PSORS1C1: variants seen among roughly 807,000 people sequenced by gnomAD.
The protein encoded by PSORS1C1 is psoriasis susceptibility 1 candidate gene 1 protein.
A neutral mutation model predicts 9.4 loss-of-function variants in PSORS1C1; 7 were observed. The ratio of observed to expected loss-of-function variants is 0.75; its 90% CI spans 0.42 to 1.40. The LOEUF is 1.40. Among genes scored for constraint, PSORS1C1 ranks in the 40% most tolerant of loss-of-function variants. The probability of loss-of-function intolerance (pLI) is 0.01; values close to 1 mark genes in which losing one functional copy is unlikely to be tolerated. For missense variants in PSORS1C1, 146 were observed against 178.1 expected (o/e 0.82, Z 1.02); for synonymous variants, 63 against 69.4 (o/e 0.91, Z 0.46).
chr6:31,139,580 T>C lies in PSORS1C1; in HGVS notation c.168-61T>C. 6.4e-7 allele frequency: 1 copy of C among 1,560,290 alleles called. No homozygotes were observed. On this transcript the variant is annotated intron_variant, in intron 5 of 5. Coordinates refer to ENST00000259881, the MANE Select transcript of PSORS1C1 (RefSeq NM_014068.3). This position sits in a 1 kb window ranked among gnomAD's most constrained non-coding sequence, Gnocchi z 5.2. Reference sequence around the variant, plus strand: ...CTCCCCCTGGGGCTTCGTGCTTTCCTGGGCACTTCCCTTCCCCCATGGGAT... The same window carrying C: ...CTCCCCCTGGGGCTTCGTGCTTTCCCGGGCACTTCCCTTCCCCCATGGGAT...
intron 3 of PSORS1C1, among the ~76,000 whole-genome samples, chr6:31,135,405 A>G (rs1209130152): frequency 1.3e-5 from 2 of 152,008 alleles, no homozygotes; most frequent in Non-Finnish European, 2.9e-5. Context: ...TTTTTAGTAG[A>G]GACAGAGTTT....
At position 31,139,813 on chromosome 6, in the gene PSORS1C1, C is replaced by A; in HGVS notation, c.340C>A (p.Pro114Thr). ...GGAAGAAGCTGCCAGGCTCCAGCAA[C>A]CTCAGCCCCTTCCTCCTCCCTCAGG... is the stretch of plus-strand genomic sequence containing the variant. ...APEEAARLQQ[P>T]QPLPPPSGIH... is the part of the protein sequence containing the mutation. The change falls in exon 6 of 6, where the codon CCT (proline) becomes ACT (threonine). Residue 114 changes from proline (P) to threonine (T), a missense_variant. By Grantham distance (38) the Pro-to-Thr change is conservative. Coordinates refer to ENST00000259881, the MANE Select transcript of PSORS1C1 (RefSeq NM_014068.3). The surrounding 1 kb of genome is among the most constrained non-coding windows in gnomAD (Gnocchi z 5.2). The A allele has an allele frequency of 6.2e-7, 1 of 1,613,118 alleles. No individual in the cohort carries two copies. The highest frequency in any genetic ancestry group is 8.5e-7 in the Non-Finnish European group (1 of 1,180,016).
At chr6:31,138,519 C>G in intron 4 of PSORS1C1, 60 bp downstream of exon 4, 1 of 1,606,406 alleles carries the variant, frequency 6.2e-7, no homozygotes, top group Non-Finnish European at 8.5e-7. Flanking sequence ...CCCGATGGAT[C>G]TGAACCGTTC....
intron 3 of PSORS1C1, among the ~76,000 whole-genome samples, chr6:31,133,973 G>GT (rs1005120258): frequency 1.8e-4 from 27 of 151,386 alleles, no homozygotes; most frequent in African/African-American, 4.1e-4. Context: ...ACCACATGTA[G>GT]TTTTTTTTTG....
In PSORS1C1 at chr6:31,115,201, G is replaced by A. The variant is rs1772040672; in HGVS notation, c.-229+310G>A. 6.5e-6 allele frequency: 2 copies of A among 307,878 alleles called. No homozygotes were observed. The highest frequency in any genetic ancestry group is 5.7e-5 in the South Asian group (2 of 34,884). The allele number at this position is 307,878 out of a possible 1,614,324, so 19.1% of individuals were successfully genotyped here. ...AATGAGGAACACAGAGACCTCTAGA[G>A]GCGTAGGAAGAGCACCACCCAGACT... On this transcript the variant is annotated intron_variant, in intron 1 of 5. Coordinates refer to ENST00000259881, the MANE Select transcript of PSORS1C1 (RefSeq NM_014068.3). This position sits in a 1 kb window ranked among gnomAD's most constrained non-coding sequence, Gnocchi z 4.2.
chr6:31,119,276 T>G (rs1371865573), intron 1 of PSORS1C1, among the ~76,000 whole-genome samples: 1 of 152,186 alleles, frequency 6.6e-6, no homozygotes, highest in Non-Finnish European at 1.5e-5. Context: ...ATTCTCTGCA[T>G]GCACCTCCAC....
intron 3 of PSORS1C1, among the ~76,000 whole-genome samples, chr6:31,136,284 G>A (rs1265101): frequency 0.1 from 15,264 of 151,386 alleles, 1,395 homozygotes; most frequent in African/African-American, 0.23. Flanking sequence ...CTACTCGGGA[G>A]GTTGAGGCAG....
rs913809358 is a variant in PSORS1C1, at chr6:31,134,228, G to A, written c.14-4202G>A. ...ACTCCTGACCTCAGGTAATCCACCC[G>A]CCTCAGCCTCCCAAAGTGCTAGGAT... On this transcript the variant is annotated intron_variant, in intron 3 of 5. Coordinates refer to ENST00000259881, the MANE Select transcript of PSORS1C1 (RefSeq NM_014068.3). 2.0e-5 allele frequency among the ~76,000 whole-genome samples: 3 copies of A among 151,994 alleles called. 1 individual carries two copies.
chr6:31,115,298 G>T lies in PSORS1C1; in HGVS notation c.-229+407G>T, dbSNP rs113009202. 2.8e-3 allele frequency: 555 copies of T among 201,732 alleles called. 8 individuals are homozygous for T. The highest frequency in any genetic ancestry group is 0.012 in the African/African-American group (523 of 42,676). 12.5% of individuals were successfully genotyped at this position (201,732 alleles called of 1,614,324 possible). A position where few individuals can be genotyped will look rare whatever the true frequency, so the allele number is the denominator to read the frequency against. ...GTCCCCACAGTTTACTGAGCCATCT[G>T]TCCAGGATCCAGGGACAGCAGGGAG... On this transcript the variant is annotated intron_variant, in intron 1 of 5. Coordinates refer to ENST00000259881, the MANE Select transcript of PSORS1C1 (RefSeq NM_014068.3). This position sits in a 1 kb window ranked among gnomAD's most constrained non-coding sequence, Gnocchi z 4.2.
rs546633256 is a variant in PSORS1C1, at chr6:31,123,071, C to T, written c.-228-2605C>T. The stretch of plus-strand genomic sequence containing the variant: ...GTCTTGTTTTCTTTGTCACATTCCT[C>T]CTGGCTGCCGTCAGAACTTGGCCAA... On this transcript the variant is annotated intron_variant, in intron 1 of 5. Transcript: ENST00000259881. Among the ~76,000 whole-genome samples the T allele has an allele frequency of 3.2e-4, 48 of 152,352 alleles. No homozygotes were observed. The South Asian group carries it at 7.7e-3, about 24-fold the overall frequency.
At chr6:31,138,403 A>C (rs768933037) in intron 3 of PSORS1C1, 27 bp from the exon 4 acceptor site, 34 of 1,549,522 alleles carry the variant, frequency 2.2e-5, no homozygotes, top group African/African-American at 2.8e-5. Context: ...GTCTGGATGG[A>C]CGCAGCCTGA....
At chr6:31,133,874 G>T (rs1208705687) in intron 3 of PSORS1C1, among the ~76,000 whole-genome samples, 1 of 152,122 alleles carries the variant, frequency 6.6e-6, no homozygotes, top group Non-Finnish European at 1.5e-5. Context: ...TCCAGCTTGG[G>T]GCCTATTTAA....
chr6:31,137,955 C>G, intron 3 of PSORS1C1: 1 of 1,475,736 alleles, frequency 6.8e-7, no homozygotes, highest in South Asian at 1.4e-5. Flanking sequence ...ACTCCATTAT[C>G]TGTACTCTTC....
chr6:31,134,460 G>C (rs1415795973), intron 3 of PSORS1C1, among the ~76,000 whole-genome samples: 1 of 151,640 alleles, frequency 6.6e-6, no homozygotes, highest in Non-Finnish European at 1.5e-5. Flanking sequence ...CGGCCACCAT[G>C]CCCGGCTAAT....
At chr6:31,135,299 C>CG (rs1349044942) in intron 3 of PSORS1C1, among the ~76,000 whole-genome samples, 1 of 152,048 alleles carries the variant, frequency 6.6e-6, no homozygotes, top group Admixed American at 6.5e-5. Context: ...TGCAGTGGTG[C>CG]GATCTCGGCT....
At chr6:31,134,200 C>T (rs1024717121) in intron 3 of PSORS1C1, among the ~76,000 whole-genome samples, 2 of 151,650 alleles carry the variant, frequency 1.3e-5, no homozygotes, top group Non-Finnish European at 2.9e-5. Context: ...AGGCTGGTCT[C>T]GAACTCCTGA....
intron 3 of PSORS1C1, among the ~76,000 whole-genome samples, chr6:31,130,172 G>A (rs1355536359): frequency 6.6e-6 from 1 of 151,916 alleles, no homozygotes; most frequent in Non-Finnish European, 1.5e-5. Flanking sequence ...GTCAGTTTGA[G>A]GGGTCCAGAC....
At chr6:31,117,738 G>A in intron 1 of PSORS1C1, 1 of 595,190 alleles carries the variant, frequency 1.7e-6, no homozygotes, top group Non-Finnish European at 3.0e-6. Flanking sequence ...TGGGAAGGGT[G>A]GGCAAACACC....
intron 1 of PSORS1C1, among the ~76,000 whole-genome samples, chr6:31,122,596 C>T (rs9501501): frequency 0.026 from 3,852 of 150,066 alleles, 127 homozygotes; most frequent in African/African-American, 0.077. Context: ...GCCAACATGG[C>T]GAAACCCCGT....
Sources: allele counts gnomAD v4.1 joint callset (sites outside exome capture counted in the v4.1 genomes callset), GRCh38; gene constraint gnomAD v4.1.1; non-coding constraint Gnocchi (gnomAD v3.1); transcripts MANE v1.5; gene names NCBI Gene and HGNC (gene_info 2026-07-23, HGNC 2026-07-21).